The following IARS1 variants were observed in gnomAD, a reference collection of about 807,000 sequenced individuals.
IARS1 encodes the protein isoleucyl-tRNA synthetase 1.
IARS1 carries 124 observed loss-of-function variants against 168.2 expected under a neutral mutation model. The observed-to-expected ratio is 0.74, with a 90% confidence interval of 0.64 to 0.86. IARS1 has a LOEUF of 0.86. IARS1 is among the 40% of genes least tolerant of loss of function. The pLI is 0.00. For synonymous variants in IARS1, 532 were observed against 529.4 expected (o/e 1.00, Z -0.07); for missense variants, 1,452 against 1,515.8 (o/e 0.96, Z 0.70).
chr9:92,229,366 C>CACACT (rs542714112), intron 30 of IARS1, among the ~76,000 whole-genome samples: 3,562 of 131,530 alleles, frequency 0.027, 66 homozygotes, highest in South Asian at 0.079. Context: ...ACTACACACA[C>CACACT]ACACACACAC....
chr9:92,258,138 C>A (rs779627520), intron 19 of IARS1, among the ~76,000 whole-genome samples: 1 of 152,326 alleles, frequency 6.6e-6, no homozygotes, highest in African/African-American at 2.4e-5. Context: ...CTTCTCTGAC[C>A]ACCCATCTCA....
rs1020872260 is a variant in IARS1, at chr9:92,228,892, G to A, written c.3409+109C>T. On this transcript the variant is annotated intron_variant, in intron 31 of 33. Transcript: ENST00000443024. ...GCTGAAGAGTTGGGCCCTGACTCAA[G>A]AGAGTTAGGAAAAATGCAAAAGTTG... 2.3e-6 allele frequency: 3 copies of A among 1,277,320 alleles called. No individual in the cohort carries two copies. In the African/African-American group the frequency reaches 4.4e-5, roughly 19 times the overall value. 79.1% of individuals were successfully genotyped at this position (1,277,320 alleles called of 1,614,324 possible). A position where few individuals can be genotyped will look rare whatever the true frequency, so the allele number is the denominator to read the frequency against.
At chr9:92,229,210 G>A (rs1826242908) in intron 30 of IARS1, 84 bp from the exon 31 acceptor site, 1 of 1,437,264 alleles carries the variant, frequency 7.0e-7, no homozygotes, top group Admixed American at 2.0e-5. Flanking sequence ...GGGATACAAA[G>A]GGGTTCAAGC....
intron 33 of IARS1, among the ~76,000 whole-genome samples, chr9:92,214,525 AG>A (rs1460123656): frequency 2.0e-5 from 3 of 152,194 alleles, no homozygotes; most frequent in African/African-American, 7.2e-5. Flanking sequence ...TCATCTCACT[AG>A]GGAGTGCCAG....
chr9:92,257,205 A>G (rs1830850199), intron 19 of IARS1, among the ~76,000 whole-genome samples: 1 of 152,216 alleles, frequency 6.6e-6, no homozygotes, highest in Admixed American at 6.5e-5. Context: ...TTTCCATGCT[A>G]AGGCTGTTCA....
intron 16 of IARS1, among the ~76,000 whole-genome samples, chr9:92,263,306 T>C (rs1002574278): frequency 1.3e-5 from 2 of 152,172 alleles, no homozygotes; most frequent in African/African-American, 4.8e-5. Context: ...CCAGGAAGTC[T>C]GTGTGGAGAG....
chr9:92,271,724 T>C, intron 10 of IARS1, 69 bp from the exon 11 acceptor site: 2 of 1,504,276 alleles, frequency 1.3e-6, no homozygotes, highest in Non-Finnish European at 9.2e-7. Context: ...AGGTAATAGA[T>C]TCCCAAGATA....
chr9:92,271,099 A>C, intron 11 of IARS1, 23 bp from the exon 12 acceptor site: 4 of 1,526,014 alleles, frequency 2.6e-6, no homozygotes, highest in Non-Finnish European at 2.7e-6. Context: ...ATTAAAATTT[A>C]GCCATTAAAA....
chr9:92,289,188 C>T (rs1835921625), intron 2 of IARS1, 113 bp downstream of exon 2: 4 of 513,570 alleles, frequency 7.8e-6, no homozygotes, highest in South Asian at 2.2e-5. Context: ...GCCTGGATGA[C>T]AGTGCGAGAC....
At chr9:92,224,872 G>C (rs569936271) in intron 31 of IARS1, among the ~76,000 whole-genome samples, 210 of 149,768 alleles carry the variant, frequency 1.4e-3, no homozygotes, top group African/African-American at 4.8e-3. Context: ...ATAATCAGTG[G>C]ACATGTTCTA....
intron 30 of IARS1, among the ~76,000 whole-genome samples, chr9:92,235,389 C>A (rs939409923): frequency 6.6e-6 from 1 of 152,000 alleles, no homozygotes; most frequent in Non-Finnish European, 1.5e-5. Context: ...ACAAAGGTCT[C>A]ATCTCTTCCT....
intron 7 of IARS1, 124 bp downstream of exon 7, chr9:92,280,622 A>G: frequency 1.8e-6 from 1 of 542,804 alleles, no homozygotes; most frequent in Non-Finnish European, 3.1e-6. Context: ...TATTTTTCTA[A>G]TTAAGTCAGA....
At chr9:92,221,552 A>G (rs1564155594) in intron 33 of IARS1, among the ~76,000 whole-genome samples, 1 of 152,232 alleles carries the variant, frequency 6.6e-6, no homozygotes. Context: ...GCAGGATTAC[A>G]GAACGAAACT....
At chr9:92,231,381 T>C (rs1377769032) in intron 30 of IARS1, among the ~76,000 whole-genome samples, 1 of 152,020 alleles carries the variant, frequency 6.6e-6, no homozygotes, top group Non-Finnish European at 1.5e-5. Flanking sequence ...TGCCTGTGCA[T>C]GTAGGTATGT....
chr9:92,258,912 A>G lies in IARS1; in HGVS notation c.1958T>C (p.Leu653Pro). Residue 653 changes from leucine (L) to proline (P), a missense_variant, in exon 19 of 34, where the codon CTG becomes CCG. Transcript: ENST00000443024. ...GCGATAGGCATTGTACCATGGGAGC[A>G]GTACATCCTTAAGGACGTCCCGCAC... Reference protein sequence around the residue: ...EGVRDVLKDVLLPWYNAYRFL... With the variant: ...EGVRDVLKDVPLPWYNAYRFL... The G allele has an allele frequency of 6.2e-7, 1 of 1,613,984 alleles. No homozygotes were observed. Among genetic ancestry groups the G allele is most frequent in the Non-Finnish European group, 8.5e-7 (1 of 1,179,878 alleles).
At chr9:92,225,600 G>C (rs1825554918) in intron 31 of IARS1, among the ~76,000 whole-genome samples, 1 of 147,698 alleles carries the variant, frequency 6.8e-6, no homozygotes, top group Non-Finnish European at 1.5e-5. Flanking sequence ...TAATCTACTA[G>C]GGTCTTTATT....
intron 27 of IARS1, among the ~76,000 whole-genome samples, chr9:92,244,456 A>C (rs2133633951): frequency 6.6e-6 from 1 of 152,262 alleles, no homozygotes; most frequent in East Asian, 1.9e-4. Context: ...CTGACTGGGG[A>C]TGTCTGGTCA....
chr9:92,270,241 GTCAACT>G (rs1330240139), intron 12 of IARS1, among the ~76,000 whole-genome samples: 5 of 152,290 alleles, frequency 3.3e-5, no homozygotes, highest in South Asian at 2.1e-4. Context: ...AAGAAACAAT[GTCAACT>G]TCAACTTCAA....
rs1386040072 is a variant in IARS1 at position 92,280,860 on chromosome 9, G to C, written c.631C>G (p.Pro211Ala). The change falls in exon 7 of 34, where the codon CCT becomes GCT. Residue 211 changes from proline to alanine, a missense_variant. Physicochemically the swap from Pro to Ala is conservative, Grantham distance 27. Coordinates refer to ENST00000443024, the MANE Select transcript of IARS1 (RefSeq NM_002161.6). ...GATACAGTTTCATCTTCTTCCAAAG[G>C]GAAAGTTACAAATACTGAAGGATCT... ...VQDPSVFVTF[P>A]LEEDETVSLV... The C allele has an allele frequency of 1.2e-5, 20 of 1,611,064 alleles. No individual in the cohort carries two copies. Among genetic ancestry groups the C allele is most frequent in the Non-Finnish European group, 1.2e-5 (14 of 1,177,818 alleles).
Sources: allele counts gnomAD v4.1 joint callset (sites outside exome capture counted in the v4.1 genomes callset), GRCh38; gene constraint gnomAD v4.1.1; transcripts MANE v1.5; gene names NCBI Gene and HGNC (gene_info 2026-07-23, HGNC 2026-07-21).